Variants in EIF3CL observed in about 807,000 individuals in gnomAD.
The protein encoded by EIF3CL is eukaryotic translation initiation factor 3 subunit C-like protein.
For synonymous variants in EIF3CL, 2 were observed against 19.6 expected (o/e 0.10, Z 2.37); for missense variants, 5 against 56.1 (o/e 0.09, Z 2.91).
chr16:28,392,917 T>TA (rs1204308883), intron 8 of EIF3CL, among the ~76,000 whole-genome samples: 1 of 148,910 alleles, frequency 6.7e-6, no homozygotes, highest in African/African-American at 2.5e-5. Flanking sequence ...CCAGCTACCT[T>TA]AAAATGGTCT....
chr16:28,418,761 C>T, the EIF3CL span, among the ~76,000 whole-genome samples: 158 of 150,878 alleles, frequency 1.0e-3, no homozygotes, highest in Non-Finnish European at 1.8e-3. Context: ...TCCTGAGTAG[C>T]CAGGATTACA....
the EIF3CL span, among the ~76,000 whole-genome samples, chr16:28,417,166 C>T: frequency 7.0e-6 from 1 of 142,956 alleles, no homozygotes; most frequent in East Asian, 2.1e-4. Context: ...CCCGCCCGGC[C>T]AGCCGCCCCG....
chr16:28,415,097 C>T, the EIF3CL span: 3 of 329,496 alleles, frequency 9.1e-6, no homozygotes, highest in Non-Finnish European at 1.8e-5. Flanking sequence ...ACACCATCTC[C>T]CCAGCTCCTG....
chr16:28,426,082 A>AAC, the EIF3CL span, among the ~76,000 whole-genome samples: 155 of 103,750 alleles, frequency 1.5e-3, 15 homozygotes, highest in Middle Eastern at 8.4e-3. Flanking sequence ...ACTCTGTCTC[A>AAC]ACACACACAC....
At chr16:28,423,782 C>A in the EIF3CL span, among the ~76,000 whole-genome samples, 1 of 94,550 alleles carries the variant, frequency 1.1e-5, no homozygotes, top group Non-Finnish European at 2.3e-5. Context: ...CCAACAAAGG[C>A]TTTTTCTGCT....
chr16:28,410,821 C>T, the EIF3CL span, among the ~76,000 whole-genome samples: 5 of 133,542 alleles, frequency 3.7e-5, no homozygotes, highest in East Asian at 5.8e-4. Flanking sequence ...AGGCTGGTCT[C>T]GAACTCCTGG....
chr16:28,416,729 G>C, the EIF3CL span, among the ~76,000 whole-genome samples: 1 of 117,602 alleles, frequency 8.5e-6, no homozygotes, highest in African/African-American at 3.1e-5. Flanking sequence ...TCTCCGCCCG[G>C]CAGCCACCCC....
At chr16:28,417,768 A>G in the EIF3CL span, among the ~76,000 whole-genome samples, 2 of 137,598 alleles carry the variant, frequency 1.5e-5, no homozygotes, top group Admixed American at 1.5e-4. Context: ...TTGTCCCATG[A>G]CCCTGCCAAA....
At chr16:28,418,873 A>AC in the EIF3CL span, among the ~76,000 whole-genome samples, 2 of 137,930 alleles carry the variant, frequency 1.5e-5, no homozygotes, top group East Asian at 4.6e-4. Context: ...CAGGTGATCC[A>AC]CCCGCCTCAG....
the EIF3CL span, among the ~76,000 whole-genome samples, chr16:28,417,579 G>A: frequency 6.2e-4 from 65 of 105,492 alleles, no homozygotes; most frequent in Non-Finnish European, 8.6e-4. Flanking sequence ...GATTAAGGGC[G>A]GTGCAAGATG....
intron 8 of EIF3CL, among the ~76,000 whole-genome samples, chr16:28,392,782 CTT>C (rs928732428): frequency 6.8e-6 from 1 of 147,732 alleles, no homozygotes; most frequent in Non-Finnish European, 1.5e-5. Context: ...ACATTTTTTT[CTT>C]TTTTACTATT....
At chr16:28,414,726 G>C in the EIF3CL span, 1 of 375,570 alleles carries the variant, frequency 2.7e-6, no homozygotes, top group Non-Finnish European at 5.4e-6. Flanking sequence ...GAAAGCAGGT[G>C]GTGCAGGAGT....
the EIF3CL span, among the ~76,000 whole-genome samples, chr16:28,423,794 C>CATATATATATATAATATATATATT: frequency 3.1e-5 from 3 of 97,578 alleles, no homozygotes; most frequent in Non-Finnish European, 4.5e-5. Context: ...TTTTCTGCTC[C>CATATATATATATAATATATATATT]ATATATATAT....
the EIF3CL span, among the ~76,000 whole-genome samples, chr16:28,416,869 G>A: frequency 4.6e-4 from 38 of 83,012 alleles, no homozygotes; most frequent in East Asian, 6.5e-3. Context: ...CAGCCGCCCC[G>A]TCCGGGAGGG....
chr16:28,417,123 C>A, the EIF3CL span, among the ~76,000 whole-genome samples: 1 of 132,974 alleles, frequency 7.5e-6, no homozygotes, highest in African/African-American at 2.8e-5. Context: ...CGGCCAGCCG[C>A]CCGGTCCGGG....
At chr16:28,418,098 T>C in the EIF3CL span, among the ~76,000 whole-genome samples, 1 of 150,718 alleles carries the variant, frequency 6.6e-6, no homozygotes, top group African/African-American at 2.4e-5. Flanking sequence ...TCCCAGCCTC[T>C]GTGCGGGGTA....
At chr16:28,422,777 C>T in the EIF3CL span, among the ~76,000 whole-genome samples, 1 of 132,642 alleles carries the variant, frequency 7.5e-6, no homozygotes, top group Non-Finnish European at 1.6e-5. Flanking sequence ...GCAGAGATTG[C>T]AGTGAGCTGA....
chr16:28,416,657 C>T, the EIF3CL span, among the ~76,000 whole-genome samples: 3 of 104,804 alleles, frequency 2.9e-5, no homozygotes, highest in Admixed American at 1.0e-4. Flanking sequence ...CGGCAGCCGC[C>T]CCGTCTGAGA....
the EIF3CL span, among the ~76,000 whole-genome samples, chr16:28,417,798 C>G: frequency 1.4e-5 from 2 of 142,526 alleles, no homozygotes; most frequent in African/African-American, 5.0e-5. Context: ...GTGAGAAACA[C>G]CCAAGAATTA....
Sources: gnomAD v4.1 joint callset for allele counts (sites outside exome capture counted in the v4.1 genomes callset) on GRCh38, gnomAD v4.1.1 for gene constraint, MANE v1.5 for transcripts, NCBI Gene and HGNC (gene_info 2026-07-23, HGNC 2026-07-21) for gene names.